Variants in RBFOX1 observed in about 807,000 individuals in gnomAD.
The protein encoded by RBFOX1 is RNA binding fox-1 homolog 1, also known as RNA binding protein fox-1 homolog 1.
A neutral mutation model predicts 57.7 loss-of-function variants in RBFOX1; 8 were observed. The ratio of observed to expected loss-of-function variants is 0.14; its 90% CI spans 0.08 to 0.25. The LOEUF is 0.25. Ranked by LOEUF, RBFOX1 falls within the 10% of genes least tolerant of loss-of-function variation. RBFOX1 has a pLI of 1.00. For missense variants in RBFOX1, 611 were observed against 548.5 expected (o/e 1.11, Z -1.14); for synonymous variants, 326 against 222.4 (o/e 1.47, Z -4.15).
chr16:5,552,007 C>G (rs1168960082), intron 2 of RBFOX1, among the ~76,000 whole-genome samples: 1 of 152,124 alleles, frequency 6.6e-6, no homozygotes, highest in Non-Finnish European at 1.5e-5. Context: ...TTATTATTAG[C>G]TGTGGATGAG....
At chr16:7,569,723 G>T (rs1023648878) in intron 5 of RBFOX1, among the ~76,000 whole-genome samples, 2 of 152,154 alleles carry the variant, frequency 1.3e-5, no homozygotes, top group Non-Finnish European at 2.9e-5. Context: ...AGCTAGTGAG[G>T]CCAGGTGTGG....
At chr16:5,853,479 C>T (rs1293014652) in intron 3 of RBFOX1, among the ~76,000 whole-genome samples, 1 of 152,188 alleles carries the variant, frequency 6.6e-6, no homozygotes, top group Admixed American at 6.5e-5. Context: ...CAGGCCCCAG[C>T]CAGGTAATCT....
At chr16:5,523,704 G>A (rs1035390815) in intron 2 of RBFOX1, among the ~76,000 whole-genome samples, 2 of 152,220 alleles carry the variant, frequency 1.3e-5, no homozygotes, top group African/African-American at 4.8e-5. Context: ...ACCCAGTAGT[G>A]GAGTTGCTGG....
chr16:6,509,128 T>C (rs1316594181), intron 2 of RBFOX1, among the ~76,000 whole-genome samples: 2 of 152,210 alleles, frequency 1.3e-5, no homozygotes, highest in Non-Finnish European at 2.9e-5. Flanking sequence ...GTGCTTTCTT[T>C]TGTCTTAAGT....
chr16:7,684,208 A>G (rs1408353749), intron 14 of RBFOX1, among the ~76,000 whole-genome samples: 1 of 152,138 alleles, frequency 6.6e-6, no homozygotes, highest in East Asian at 1.9e-4. Flanking sequence ...GTCACCAGAC[A>G]GAAATGACTT....
chr16:7,573,440 A>G (rs1417786078), intron 5 of RBFOX1, among the ~76,000 whole-genome samples: 7 of 151,928 alleles, frequency 4.6e-5, no homozygotes, highest in Non-Finnish European at 2.9e-5. Context: ...ACTGCCCTCA[A>G]TTTCCTCCAT....
chr16:6,895,982 A>G (rs1386886065), intron 3 of RBFOX1, among the ~76,000 whole-genome samples: 1 of 152,126 alleles, frequency 6.6e-6, no homozygotes, highest in Non-Finnish European at 1.5e-5. Flanking sequence ...TGATACAGGC[A>G]TGCTGTGTGA....
At chr16:5,907,442 A>G (rs1470724280) in intron 4 of RBFOX1, among the ~76,000 whole-genome samples, 1 of 152,068 alleles carries the variant, frequency 6.6e-6, no homozygotes, top group Non-Finnish European at 1.5e-5. Flanking sequence ...CTTTGTGATT[A>G]TATTAATATC....
intron 4 of RBFOX1, among the ~76,000 whole-genome samples, chr16:7,086,268 A>C (rs1399432503): frequency 6.6e-6 from 1 of 152,190 alleles, no homozygotes; most frequent in Non-Finnish European, 1.5e-5. Flanking sequence ...TAAATCAACA[A>C]GGGGCTCGGT....
intron 2 of RBFOX1, among the ~76,000 whole-genome samples, chr16:6,433,108 G>C (rs2094142605): frequency 6.6e-6 from 1 of 152,234 alleles, no homozygotes; most frequent in Non-Finnish European, 1.5e-5. Flanking sequence ...CAGGAGCTCA[G>C]ATGGAAGCCA....
intron 1 of RBFOX1, among the ~76,000 whole-genome samples, chr16:5,255,322 T>A (rs368972895): frequency 1.7e-5 from 2 of 119,372 alleles, no homozygotes; most frequent in Non-Finnish European, 3.6e-5. Context: ...CCACACTTCC[T>A]TCCATCCATC....
At chr16:5,508,858 T>C (rs921087933) in intron 2 of RBFOX1, among the ~76,000 whole-genome samples, 1 of 152,202 alleles carries the variant, frequency 6.6e-6, no homozygotes, top group African/African-American at 2.4e-5. Context: ...GTATTCCTCA[T>C]GGTCAAGTGG....
chr16:5,263,345 A>T (rs1239853422), intron 1 of RBFOX1, among the ~76,000 whole-genome samples: 1 of 152,082 alleles, frequency 6.6e-6, no homozygotes, highest in Non-Finnish European at 1.5e-5. Flanking sequence ...CACCAACCTA[A>T]TGCGATGCAA....
At chr16:6,898,735 T>C (rs2067614335) in intron 3 of RBFOX1, among the ~76,000 whole-genome samples, 1 of 152,102 alleles carries the variant, frequency 6.6e-6, no homozygotes, top group African/African-American at 2.4e-5. Context: ...GTATGATACA[T>C]GTGTATGTGT....
In RBFOX1 at chr16:5,571,606, G is replaced by A. The variant is rs141459768; in HGVS notation, c.259-27296G>A. On this transcript the variant is annotated intron_variant, in intron 2 of 2. Transcript: ENST00000585867. ...ACCGCCAGAAGATATGCTGAGTGCA[G>A]TCACTTCCTGGCGCCATGCTTCTTG... Among the ~76,000 whole-genome samples, 1,117 of 152,262 alleles carry A rather than the reference G, an allele frequency of 7.3e-3. 6 individuals are homozygous for A. Among genetic ancestry groups the A allele is most frequent in the Non-Finnish European group, 0.013 (916 of 68,016 alleles).
intron 2 of RBFOX1, among the ~76,000 whole-genome samples, chr16:5,508,041 A>T (rs1445421505): frequency 6.6e-6 from 1 of 152,246 alleles, no homozygotes; most frequent in Non-Finnish European, 1.5e-5. Context: ...GGAAAAATGT[A>T]GAAGGGAAAC....
At chr16:7,488,375 A>G (rs2065971572) in intron 4 of RBFOX1, among the ~76,000 whole-genome samples, 3 of 152,178 alleles carry the variant, frequency 2.0e-5, no homozygotes, top group African/African-American at 4.8e-5. Context: ...ATATACAACT[A>G]TGTACAGATA....
chr16:5,834,263 C>A (rs190448985), intron 3 of RBFOX1, among the ~76,000 whole-genome samples: 518 of 152,214 alleles, frequency 3.4e-3, no homozygotes, highest in Middle Eastern at 0.014. Flanking sequence ...TTTCATGCCC[C>A]CTTCTGAGTC....
At chr16:7,516,487 G>C (rs764795133) in intron 4 of RBFOX1, among the ~76,000 whole-genome samples, 10 of 152,198 alleles carry the variant, frequency 6.6e-5, no homozygotes, top group Non-Finnish European at 8.8e-5. Context: ...CAGGAGTGGA[G>C]ACAGACCAGC....
Sources: allele counts gnomAD v4.1 joint callset (sites outside exome capture counted in the v4.1 genomes callset), GRCh38; gene constraint gnomAD v4.1.1; transcripts MANE v1.5; gene names NCBI Gene and HGNC (gene_info 2026-07-23, HGNC 2026-07-21).